Variants in EPHA4 observed in about 807,000 individuals in gnomAD.
EPHA4 encodes ephrin type-A receptor 4.
Under a neutral mutation model 108.3 loss-of-function variants are expected in EPHA4, and 19 were observed. The observed-to-expected ratio is 0.18, with a 90% CI of 0.12 to 0.26. The LOEUF (loss-of-function observed/expected upper bound fraction) is 0.26. Among genes scored for constraint, EPHA4 ranks in the 10% least tolerant of loss-of-function variants. The pLI is 1.00. For synonymous variants in EPHA4, 449 were observed against 455.5 expected (o/e 0.99, Z 0.18); for missense variants, 917 against 1,254.0 (o/e 0.73, Z 4.06).
intron 3 of EPHA4, 105 bp downstream of exon 3, chr2:221,563,626 C>G: frequency 7.4e-7 from 1 of 1,355,728 alleles, no homozygotes; most frequent in Non-Finnish European, 1.0e-6. Flanking sequence ...CCCACCACAT[C>G]CCACAGGGGC....
intron 2 of EPHA4, among the ~76,000 whole-genome samples, chr2:221,568,177 T>C (rs1368145607): frequency 1.3e-5 from 2 of 152,218 alleles, no homozygotes; most frequent in Non-Finnish European, 2.9e-5. Flanking sequence ...TACACAGGCT[T>C]AGGGTTTTTT....
In EPHA4 at chr2:221,442,969, T is replaced by C; in HGVS notation, c.1934A>G (p.Lys645Arg). The C allele has an allele frequency of 6.2e-7, 1 of 1,614,136 alleles. No homozygotes were observed. Among genetic ancestry groups the C allele is most frequent in the South Asian group, 1.1e-5 (1 of 91,080 alleles). Reference protein sequence around the residue: ...VCSGRLKVPGKREICVAIKTL... With the variant: ...VCSGRLKVPGRREICVAIKTL... ...CTTGATAGCCACACAGATCTCTCTCTTGCCAGGCACTTTGAGACGCCCACT... is the reference window on the plus strand; with the variant it reads ...CTTGATAGCCACACAGATCTCTCTCCTGCCAGGCACTTTGAGACGCCCACT... Residue 645 changes from lysine (K) to arginine (R), a missense_variant, in exon 11 of 18, where the codon AAG becomes AGG. Physicochemically the swap from Lys to Arg is conservative, Grantham distance 26. Transcript: ENST00000281821.
intron 3 of EPHA4, 25 bp from the exon 4 acceptor site, chr2:221,501,197 A>G (rs772954171): frequency 1.3e-6 from 2 of 1,552,062 alleles, no homozygotes; most frequent in South Asian, 2.5e-5. Context: ...AAAAAAACAA[A>G]CAAATAGAAA....
chr2:221,546,109 G>A (rs1693988975), intron 3 of EPHA4, among the ~76,000 whole-genome samples: 1 of 152,138 alleles, frequency 6.6e-6, no homozygotes, highest in African/African-American at 2.4e-5. Flanking sequence ...AACAGTTCAG[G>A]GAAAGGCATG....
rs186270524 is a variant in EPHA4, at chr2:221,445,053, C to T, written c.1774+1070G>A. 2.5e-3 allele frequency among the ~76,000 whole-genome samples: 383 copies of T among 152,142 alleles called. 2 individuals are homozygous for T. Among genetic ancestry groups the T allele is most frequent in the African/African-American group, 8.5e-3 (353 of 41,524 alleles). On this transcript the variant is annotated intron_variant, in intron 9 of 17. Transcript: ENST00000281821. ...GATTACAGGCATAAGCCACTGTGCC[C>T]GGCCAATCTTTCTTCTATCTTTCTG...
At position 221,425,809 on chromosome 2, in the gene EPHA4, C is replaced by T. The variant is rs904764392; in HGVS notation, c.*219G>A. 5 of 531,128 alleles carry T rather than the reference C, an allele frequency of 9.4e-6. No homozygotes were observed. Among genetic ancestry groups the T allele is most frequent in the African/African-American group, 3.8e-5 (2 of 52,164 alleles). 32.9% of individuals were successfully genotyped at this position (531,128 alleles called of 1,614,324 possible). A position where few individuals can be genotyped will look rare whatever the true frequency, so the allele number is the denominator to read the frequency against. Reference sequence around the variant, plus strand: ...TGAACAGAAAAGTACTTCTGAGAAACGATTTGTTCCAGGTCTCATTCAAAT... The same window carrying T: ...TGAACAGAAAAGTACTTCTGAGAAATGATTTGTTCCAGGTCTCATTCAAAT... On this transcript the variant is annotated 3_prime_UTR_variant, in exon 17 of 18. Coordinates refer to ENST00000281821, the MANE Select transcript of EPHA4 (RefSeq NM_004438.5).
intron 3 of EPHA4, among the ~76,000 whole-genome samples, chr2:221,515,947 T>A (rs1692975497): frequency 7.8e-6 from 1 of 128,592 alleles, no homozygotes; most frequent in African/African-American, 3.2e-5. Flanking sequence ...CTAAAGAGGC[T>A]CAGATTTGAA....
intron 2 of EPHA4, among the ~76,000 whole-genome samples, chr2:221,565,518 T>C (rs1694605299): frequency 6.6e-6 from 1 of 152,156 alleles, no homozygotes; most frequent in Non-Finnish European, 1.5e-5. Flanking sequence ...AAAAATTGTA[T>C]TCTGTAATAG....
intron 3 of EPHA4, among the ~76,000 whole-genome samples, chr2:221,502,772 T>C (rs1692520202): frequency 6.6e-6 from 1 of 152,228 alleles, no homozygotes; most frequent in Non-Finnish European, 1.5e-5. Flanking sequence ...TGAAGTTGTT[T>C]ATGGAATTTC....
intron 3 of EPHA4, among the ~76,000 whole-genome samples, chr2:221,561,884 T>C (rs567631560): frequency 1.3e-5 from 2 of 152,308 alleles, no homozygotes; most frequent in South Asian, 4.1e-4. Context: ...TTTTTAAAAA[T>C]ATATATAAGA....
At chr2:221,448,731 C>A (rs1416192606) in intron 8 of EPHA4, among the ~76,000 whole-genome samples, 1 of 152,174 alleles carries the variant, frequency 6.6e-6, no homozygotes, top group African/African-American at 2.4e-5. Context: ...TTACAAGTAT[C>A]TCTTTTAAAC....
chr2:221,449,601 G>A (rs372471107), intron 8 of EPHA4, among the ~76,000 whole-genome samples: 1 of 152,158 alleles, frequency 6.6e-6, no homozygotes, highest in African/African-American at 2.4e-5. Flanking sequence ...CAGTCCAAGG[G>A]ACATGGTAAT....
At chr2:221,556,591 G>T (rs1396042904) in intron 3 of EPHA4, among the ~76,000 whole-genome samples, 1 of 150,618 alleles carries the variant, frequency 6.6e-6, no homozygotes, top group African/African-American at 2.5e-5. Context: ...GTGAGCCACT[G>T]CGCCCAGTCA....
At chr2:221,491,703 A>G (rs1371722906) in intron 4 of EPHA4, among the ~76,000 whole-genome samples, 4 of 152,022 alleles carry the variant, frequency 2.6e-5, no homozygotes, top group African/African-American at 7.2e-5. Context: ...CATGGGGATT[A>G]TCTTTTCTGC....
chr2:221,485,632 T>A (rs922812769), intron 4 of EPHA4, among the ~76,000 whole-genome samples: 1 of 152,192 alleles, frequency 6.6e-6, no homozygotes, highest in African/African-American at 2.4e-5. Flanking sequence ...GACACACGCT[T>A]TACAAATTAA....
intron 3 of EPHA4, among the ~76,000 whole-genome samples, chr2:221,530,970 G>C (rs573487277): frequency 3.3e-5 from 5 of 152,188 alleles, no homozygotes; most frequent in African/African-American, 9.6e-5. Context: ...CACCTCAAAG[G>C]CTTGGGAATT....
intron 3 of EPHA4, among the ~76,000 whole-genome samples, chr2:221,549,124 G>A (rs1341509698): frequency 1.3e-5 from 2 of 152,090 alleles, no homozygotes; most frequent in African/African-American, 2.4e-5. Context: ...GTACCCTGGG[G>A]TCATGCAGCC....
At chr2:221,449,127 GA>G (rs201237703) in intron 8 of EPHA4, among the ~76,000 whole-genome samples, 2 of 151,128 alleles carry the variant, frequency 1.3e-5, no homozygotes, top group Non-Finnish European at 1.5e-5. Context: ...GGAAATGGCT[GA>G]AAAAAAACCA....
chr2:221,526,532 C>T lies in EPHA4; in HGVS notation c.824-25360G>A, dbSNP rs546575948. Among the ~76,000 whole-genome samples, 5 of 119,186 alleles carry T rather than the reference C, an allele frequency of 4.2e-5. No homozygotes were observed. In the South Asian group the frequency reaches 1.3e-3, roughly 31 times the overall value. The allele number at this position is 119,186 out of a possible 152,430, so 78.2% of individuals were successfully genotyped here. A position where few individuals can be genotyped will look rare whatever the true frequency, so the allele number is the denominator to read the frequency against. Reference sequence around the variant, plus strand: ...TCTCCTGTGTGCTCAGGAAACAACACAATCTAGTGTAAAAAAAAAAAAAAA... The same window carrying T: ...TCTCCTGTGTGCTCAGGAAACAACATAATCTAGTGTAAAAAAAAAAAAAAA... On this transcript the variant is annotated intron_variant, in intron 3 of 17. Transcript: ENST00000281821.
Sources: allele counts gnomAD v4.1 joint callset (sites outside exome capture counted in the v4.1 genomes callset), GRCh38; gene constraint gnomAD v4.1.1; transcripts MANE v1.5; gene names NCBI Gene and HGNC (gene_info 2026-07-23, HGNC 2026-07-21).